The following MAGEL2 variants were observed in gnomAD, a reference collection of about 807,000 sequenced individuals.
MAGEL2 encodes MAGE-like protein 2.
For synonymous variants in MAGEL2, 792 were observed against 721.7 expected, an observed-to-expected ratio of 1.10 and a Z score of -1.56; for missense variants, 1,830 against 1,699.2, an observed-to-expected ratio of 1.08 and a Z score of -1.35.
chr15:23,647,701 C>T lies in MAGEL2; in HGVS notation c.42G>A (p.Pro14=), dbSNP rs794726942. The T allele has an allele frequency of 5.4e-6, 8 of 1,487,780 alleles. No individual in the cohort carries two copies. Among genetic ancestry groups the T allele is most frequent in the South Asian group, 2.6e-5 (2 of 76,942 alleles). 92.2% of individuals were successfully genotyped at this position (1,487,780 alleles called of 1,614,324 possible). Residue 14 remains proline (P), a synonymous_variant, in exon 1 of 1, where the codon CCG becomes CCA. Transcript: ENST00000650528. ...LSKNLGDSSP[P]AEAPKPPVYS... ...AGACAGGCGGCTTCGGGGCCTCCGC[C>T]GGAGGACTCGAGTCACCCAGATTCT...
At position 23,647,599 on chromosome 15, in the gene MAGEL2, T is replaced by C. The variant is rs1332483235; in HGVS notation, c.144A>G (p.Pro48=). ...RAPPVPWDPP[P]IDLQASLAAW... ...CGGCCAATGAAGCCTGCAAGTCAAT[T>C]GGAGGTGGATCCCAAGGGACTGGCG... Residue 48 remains proline (P), a synonymous_variant, in exon 1 of 1, where the codon CCA becomes CCG. Coordinates refer to ENST00000650528, the MANE Select transcript of MAGEL2 (RefSeq NM_019066.5). 1.3e-6 allele frequency: 2 copies of C among 1,536,692 alleles called. No homozygotes were observed. The highest frequency in any genetic ancestry group is 2.0e-5 in the Admixed American group (1 of 50,980).
chr15:23,646,776 C>T lies in MAGEL2; in HGVS notation c.967G>A (p.Ala323Thr), dbSNP rs1417007724. Residue 323 changes from alanine to threonine, a missense_variant, in exon 1 of 1, where the codon GCA becomes ACA. Coordinates refer to ENST00000650528, the MANE Select transcript of MAGEL2 (RefSeq NM_019066.5). The surrounding 1 kb of genome is among the most constrained non-coding windows in gnomAD (Gnocchi z 4.2). Reference sequence around the variant, plus strand: ...GGGGCCCAAGAAGCCATCGGCTGTGCAGGTGGGGCCATCGGCTGTGCAGGT... The same window carrying T: ...GGGGCCCAAGAAGCCATCGGCTGTGTAGGTGGGGCCATCGGCTGTGCAGGT... ...APPAQPMAPP[A>T]QPMASWAPQA... 3 of 1,533,630 alleles carry T rather than the reference C, an allele frequency of 2.0e-6. No individual in the cohort carries two copies. Among genetic ancestry groups the T allele is most frequent in the Non-Finnish European group, 1.7e-6 (2 of 1,146,282 alleles).
Position 23,643,989 on chromosome 15 carries a change from C to T in MAGEL2, c.*4G>A, listed in dbSNP as rs758655095. The T allele has an allele frequency of 2.6e-5, 41 of 1,585,124 alleles. No homozygotes were observed. Among genetic ancestry groups the T allele is most frequent in the Non-Finnish European group, 3.4e-5 (40 of 1,163,722 alleles). ...ACACAGGAGCGAGATCTCTGCTACA[C>T]CTATTAGCGGGGAGGGGGCCTGCTG... On this transcript the variant is annotated 3_prime_UTR_variant, in exon 1 of 1. Coordinates refer to ENST00000650528, the MANE Select transcript of MAGEL2 (RefSeq NM_019066.5).
In MAGEL2 at chr15:23,644,034, C is replaced by A. The variant is rs1165355338; in HGVS notation, c.3709G>T (p.Asp1237Tyr). 6.2e-7 allele frequency: 1 copy of A among 1,610,720 alleles called. No homozygotes were observed. The change falls in exon 1 of 1, where the codon GAC (aspartate) becomes TAC (tyrosine). Residue 1237 changes from aspartate to tyrosine, a missense_variant. By Grantham distance (160) the Asp-to-Tyr change is radical. Transcript: ENST00000650528. ...CTGCTGGTGGGGCCGTGGGCACTGT[C>A]ACCGGTGTCAGGTTCATCCTCATCT... ...DTDEDEPDTG[D>Y]SAHGPTSRPP...
Position 23,644,134 on chromosome 15 carries a change from C to T in MAGEL2, c.3609G>A (p.Lys1203=). 6.2e-7 allele frequency: 1 copy of T among 1,613,948 alleles called. No homozygotes were observed. Among genetic ancestry groups the T allele is most frequent in the Non-Finnish European group, 8.5e-7 (1 of 1,179,886 alleles). Residue 1203 remains lysine (K), a synonymous_variant, in exon 1 of 1, where the codon AAG becomes AAA. Transcript: ENST00000650528. ...AGCTCTGTGGATCTTTCTTATGGAGCTTGGCCAAAAACCTCAGGACAAGCA... is the reference window on the plus strand; with the variant it reads ...AGCTCTGTGGATCTTTCTTATGGAGTTTGGCCAAAAACCTCAGGACAAGCA... ...SKMLVLRFLA[K]LHKKDPQSWP...
In MAGEL2 at chr15:23,643,889, C is replaced by CA; in HGVS notation, c.*103dup. On this transcript the variant is annotated 3_prime_UTR_variant, in exon 1 of 1. Transcript: ENST00000650528. ...AAACCAAGTTGAAAATCCAAACGTACACTCGTGGAACTGGAACACAAACAC... is the reference window on the plus strand; with the variant it reads ...AAACCAAGTTGAAAATCCAAACGTACAACTCGTGGAACTGGAACACAAACAC... 1 of 1,296,276 alleles carries CA rather than the reference C, an allele frequency of 7.7e-7. No homozygotes were observed. The highest frequency in any genetic ancestry group is 1.9e-5 in the South Asian group (1 of 53,974). The allele number at this position is 1,296,276 out of a possible 1,614,324, so 80.3% of individuals were successfully genotyped here.
rs1199947146 is a variant in MAGEL2 at position 23,647,196 on chromosome 15, G to A, written c.547C>T (p.Pro183Ser). Reference protein sequence around the residue: ...PPPGTPMVHPPPPGTPMAHPP... With the variant: ...PPPGTPMVHPSPPGTPMAHPP... ...TGAGCCATCGGGGTCCCCGGAGGAG[G>A]AGGATGCACCATCGGGGTCCCCGGA... Residue 183 changes from proline (P) to serine (S), a missense_variant, in exon 1 of 1, where the codon CCT becomes TCT. Coordinates refer to ENST00000650528, the MANE Select transcript of MAGEL2 (RefSeq NM_019066.5). 7.9e-6 allele frequency: 12 copies of A among 1,522,908 alleles called. No homozygotes were observed. The highest frequency in any genetic ancestry group is 4.9e-5 in the South Asian group (4 of 80,972). The allele number at this position is 1,522,908 out of a possible 1,614,324, so 94.3% of individuals were successfully genotyped here.
At position 23,643,583 on chromosome 15, in the gene MAGEL2, G is replaced by T; in HGVS notation, c.*410C>A. 6.4e-6 allele frequency: 1 copy of T among 155,880 alleles called. No homozygotes were observed. Among genetic ancestry groups the T allele is most frequent in the Non-Finnish European group, 1.4e-5 (1 of 70,634 alleles). 9.7% of individuals were successfully genotyped at this position (155,880 alleles called of 1,614,324 possible). On this transcript the variant is annotated 3_prime_UTR_variant, in exon 1 of 1. Coordinates refer to ENST00000650528, the MANE Select transcript of MAGEL2 (RefSeq NM_019066.5). ...AAGTATATTTATATATATAGATATA[G>T]ATATTTACTTCTCTGTAGACAGTTT...
Position 23,644,853 on chromosome 15 carries a change from A to G in MAGEL2, c.2890T>C (p.Ser964Pro). The change falls in exon 1 of 1, where the codon TCC becomes CCC. Residue 964 changes from serine to proline, a missense_variant. Ser to Pro is a moderately conservative substitution (Grantham distance 74). Coordinates refer to ENST00000650528, the MANE Select transcript of MAGEL2 (RefSeq NM_019066.5). ...ILSGWEGPSA[S>P]WALSAWEGPS... ...CCCTCCCAGGCACTCAGGGCCCAGG[A>G]TGCGCTGGGCCCTTCCCAGCCACTC... The G allele has an allele frequency of 6.2e-7, 1 of 1,612,194 alleles. No individual in the cohort carries two copies. The highest frequency in any genetic ancestry group is 8.5e-7 in the Non-Finnish European group (1 of 1,179,722).
chr15:23,644,655 A>G lies in MAGEL2; in HGVS notation c.3088T>C (p.Phe1030Leu), dbSNP rs762817125. The G allele has an allele frequency of 6.2e-6, 10 of 1,613,874 alleles. No individual in the cohort carries two copies. The highest frequency in any genetic ancestry group is 7.6e-6 in the Non-Finnish European group (9 of 1,179,878). Reference protein sequence around the residue: ...LDERANALVQFLLVKDQAKVP... With the variant: ...LDERANALVQLLLVKDQAKVP... Reference sequence around the variant, plus strand: ...TTGGCTTGGTCCTTGACTAAGAGGAACTGCACCAACGCATTTGCCCTCTCA... The same window carrying G: ...TTGGCTTGGTCCTTGACTAAGAGGAGCTGCACCAACGCATTTGCCCTCTCA... The change falls in exon 1 of 1, where the codon TTC (phenylalanine) becomes CTC (leucine). Residue 1030 changes from phenylalanine to leucine, a missense_variant. Physicochemically the swap from Phe to Leu is conservative, Grantham distance 22. Transcript: ENST00000650528.
rs1002642056 is a variant in MAGEL2 at position 23,645,903 on chromosome 15, C to T, written c.1840G>A (p.Ala614Thr). 1 of 1,572,664 alleles carries T rather than the reference C, an allele frequency of 6.4e-7. No individual in the cohort carries two copies. Among genetic ancestry groups the T allele is most frequent in the Middle Eastern group, 1.7e-4 (1 of 6,014 alleles). Residue 614 changes from alanine (A) to threonine (T), a missense_variant, in exon 1 of 1, where the codon GCG (alanine) becomes ACG (threonine). Physicochemically the swap from Ala to Thr is moderately conservative, Grantham distance 58 (BLOSUM62 0). Transcript: ENST00000650528. ...MEFQEVQQTQALAWQAQKAPT... is the reference protein window; with the variant it reads ...MEFQEVQQTQTLAWQAQKAPT... ...GCCTTCTGGGCCTGCCAGGCCAGCG[C>T]CTGTGTCTGCTGCACCTCCTGGAAT...
Position 23,646,457 on chromosome 15 carries a change from G to C in MAGEL2, c.1286C>G (p.Pro429Arg). 2.8e-6 allele frequency: 4 copies of C among 1,426,454 alleles called. No homozygotes were observed. The highest frequency in any genetic ancestry group is 1.5e-5 in the South Asian group (1 of 66,472). The allele number at this position is 1,426,454 out of a possible 1,614,324, so 88.4% of individuals were successfully genotyped here. ...GATCAGCGGTGGGGCCTGTCGCACC[G>C]GTGGTGGGCCAGGGCGGATGGGTGG... ...GPPPIRPGPPPVRQAPPLIRQ... is the reference protein window; with the variant it reads ...GPPPIRPGPPRVRQAPPLIRQ... Residue 429 changes from proline (P) to arginine (R), a missense_variant, in exon 1 of 1, where the codon CCG becomes CGG. Transcript: ENST00000650528. This position sits in a 1 kb window ranked among gnomAD's most constrained non-coding sequence, Gnocchi z 4.2.
At position 23,646,147 on chromosome 15, in the gene MAGEL2, C is replaced by T. The variant is rs1477901661; in HGVS notation, c.1596G>A (p.Pro532=). The T allele has an allele frequency of 1.1e-5, 15 of 1,342,570 alleles. No individual in the cohort carries two copies. The Admixed American group carries it at 2.0e-4, about 18-fold the overall frequency. The allele number at this position is 1,342,570 out of a possible 1,614,324, so 83.2% of individuals were successfully genotyped here. The part of the protein sequence containing the change: ...PLRQAPQARL[P]APQVQAAPQV... ...GCGGCGCCGCCTGCACCTGCGGGGC[C>T]GGCAGCCTAGCCTGCGGGGCCTGCC... The change falls in exon 1 of 1, where the codon CCG becomes CCA. Residue 532 remains proline, a synonymous_variant. Transcript: ENST00000650528. This position sits in a 1 kb window ranked among gnomAD's most constrained non-coding sequence, Gnocchi z 4.2.
chr15:23,647,630 CG>C lies in MAGEL2; in HGVS notation c.112del (p.Arg38GlyfsTer42). 6.5e-7 allele frequency: 1 copy of C among 1,536,726 alleles called. No homozygotes were observed. Among genetic ancestry groups the C allele is most frequent in the Non-Finnish European group, 8.7e-7 (1 of 1,146,792 alleles). On this transcript the variant is annotated frameshift_variant, in exon 1 of 1. Coordinates refer to ENST00000650528, the MANE Select transcript of MAGEL2 (RefSeq NM_019066.5). LOFTEE classifies it low-confidence loss of function (END_TRUNC). ...VLMRAPPASS[R>X]APPVPWDPPP... ...TGGATCCCAAGGGACTGGCGGAGCC[CG>C]GGAGGAAGCGGGCGGGGCCCGCATC...
chr15:23,645,551 G>A lies in MAGEL2; in HGVS notation c.2192C>T (p.Ser731Phe). Reference protein sequence around the residue: ...CRASSIDRRGSSKERRTSSKE... With the variant: ...CRASSIDRRGFSKERRTSSKE... ...CGAGGAGGTCCTGCGCTCTTTAGAG[G>A]AGCCCCTGCGGTCTATAGAAGAGGC... The change falls in exon 1 of 1, where the codon TCC (serine) becomes TTC (phenylalanine). Residue 731 changes from serine (S) to phenylalanine (F), a missense_variant. By Grantham distance (155) the Ser-to-Phe change is radical. Coordinates refer to ENST00000650528, the MANE Select transcript of MAGEL2 (RefSeq NM_019066.5). 6.2e-7 allele frequency: 1 copy of A among 1,613,452 alleles called. No individual in the cohort carries two copies. The highest frequency in any genetic ancestry group is 1.3e-5 in the African/African-American group (1 of 75,070).
chr15:23,645,984 A>G lies in MAGEL2; in HGVS notation c.1759T>C (p.Trp587Arg). The change falls in exon 1 of 1, where the codon TGG becomes CGG. Residue 587 changes from tryptophan to arginine, a missense_variant. Coordinates refer to ENST00000650528, the MANE Select transcript of MAGEL2 (RefSeq NM_019066.5). ...GGGGGCTGACCTTTGGGGGCCTGCC[A>G]GATGATGGAAGGGCAGTGCACAGCC... ...PQAVHCPSII[W>R]QAPKGQPPVP... is the part of the protein sequence containing the mutation. 6.4e-7 allele frequency: 1 copy of G among 1,557,064 alleles called. No homozygotes were observed. Among genetic ancestry groups the G allele is most frequent in the Non-Finnish European group, 8.7e-7 (1 of 1,150,322 alleles).
chr15:23,644,086 C>G lies in MAGEL2; in HGVS notation c.3657G>C (p.Ala1219=), dbSNP rs140288382. ...TGTCTTCCCACTCACACTCTGCGAG[C>G]GCTTCAAGGTAATGGAATGGCCAGC... ...PQSWPFHYLE[A]LAECEWEDTD... Residue 1219 remains alanine (A), a synonymous_variant, in exon 1 of 1, where the codon GCG becomes GCC. Coordinates refer to ENST00000650528, the MANE Select transcript of MAGEL2 (RefSeq NM_019066.5). 1.2e-6 allele frequency: 2 copies of G among 1,613,916 alleles called. No individual in the cohort carries two copies. Among genetic ancestry groups the G allele is most frequent in the African/African-American group, 2.7e-5 (2 of 75,022 alleles).
chr15:23,645,513 C>A lies in MAGEL2; in HGVS notation c.2230G>T (p.Ala744Ser), dbSNP rs764011034. ...AAGATCATGCGGTCTTTTGAAGGGG[C>A]CCTGCGCTCCTTCGAGGAGGTCCTG... ...ERRTSSKERRAPSKDRMIFAA... is the reference protein window; with the variant it reads ...ERRTSSKERRSPSKDRMIFAA... Residue 744 changes from alanine (A) to serine (S), a missense_variant, in exon 1 of 1, where the codon GCC becomes TCC. Coordinates refer to ENST00000650528, the MANE Select transcript of MAGEL2 (RefSeq NM_019066.5). 4 of 1,613,774 alleles carry A rather than the reference C, an allele frequency of 2.5e-6. No homozygotes were observed. In the African/African-American group the frequency reaches 4.0e-5, roughly 16 times the overall value.
At position 23,645,821 on chromosome 15, in the gene MAGEL2, G is replaced by T. The variant is rs556296973; in HGVS notation, c.1922C>A (p.Pro641His). 2.0e-5 allele frequency: 31 copies of T among 1,587,792 alleles called. No homozygotes were observed. Among genetic ancestry groups the T allele is most frequent in the African/African-American group, 1.1e-4 (8 of 74,444 alleles). ...AAAGGGCTGCTCCAGCTGGACCAAG[G>T]GGGGAGCCTGCCTCTGGGCCTCCTG... is the stretch of plus-strand genomic sequence containing the variant. ...PAQEAQRQAPPLVQLEQPFQG... is the reference protein window; with the variant it reads ...PAQEAQRQAPHLVQLEQPFQG... Residue 641 changes from proline to histidine, a missense_variant, in exon 1 of 1, where the codon CCC (proline) becomes CAC (histidine). Transcript: ENST00000650528.
Sources: gnomAD v4.1 joint callset for allele counts on GRCh38, gnomAD v4.1.1 for gene constraint, Gnocchi (gnomAD v3.1) non-coding constraint, MANE v1.5 for transcripts, NCBI Gene and HGNC (gene_info 2026-07-23, HGNC 2026-07-21) for gene names.